ATP6V1C1: variants seen among roughly 807,000 people sequenced by gnomAD.
The protein encoded by ATP6V1C1 is ATPase H+ transporting V1 subunit C1.
A neutral mutation model predicts 53.9 loss-of-function variants in ATP6V1C1; 45 were observed. The ratio of observed to expected loss-of-function variants is 0.83; its 90% CI spans 0.66 to 1.07. The LOEUF (loss-of-function observed/expected upper bound fraction) is 1.07. Among genes scored for constraint, ATP6V1C1 ranks in the 50% least tolerant of loss-of-function variants. The pLI, the probability that ATP6V1C1 is intolerant of heterozygous loss-of-function variation, is 0.00. For synonymous variants in ATP6V1C1, 153 were observed against 155.2 expected, an observed-to-expected ratio of 0.99 and a Z score of 0.11; for missense variants, 315 against 440.3, an observed-to-expected ratio of 0.72 and a Z score of 2.55.
intron 3 of ATP6V1C1, among the ~76,000 whole-genome samples, chr8:103,047,397 ACTCT>A (rs1454536094): frequency 7.5e-6 from 1 of 132,544 alleles, no homozygotes; most frequent in African/African-American, 2.9e-5. Flanking sequence ...GTAGAGTGAG[ACTCT>A]CTCTTAAAAA....
intron 11 of ATP6V1C1, among the ~76,000 whole-genome samples, 171 bp downstream of exon 11, chr8:103,064,982 A>G (rs1817463381): frequency 6.6e-6 from 1 of 152,228 alleles, no homozygotes; most frequent in African/African-American, 2.4e-5. Context: ...AATGCATATT[A>G]GTCTTGTTCT....
intron 5 of ATP6V1C1, 32 bp downstream of exon 5, chr8:103,051,176 T>C (rs1817193944): frequency 2.4e-5 from 36 of 1,479,936 alleles, no homozygotes; most frequent in Non-Finnish European, 3.4e-5. Flanking sequence ...GTAGGACACA[T>C]TGATTTGTAG....
rs1211454756 is a variant in ATP6V1C1, at chr8:103,071,135, A to T, written c.*2388A>T. 6.6e-6 allele frequency: 1 copy of T among 152,262 alleles called. No individual in the cohort carries two copies. The highest frequency in any genetic ancestry group is 1.9e-4 in the East Asian group (1 of 5,202). The allele number at this position is 152,262 out of a possible 1,614,324, so 9.4% of individuals were successfully genotyped here. A position where few individuals can be genotyped will look rare whatever the true frequency, so the allele number is the denominator to read the frequency against. ...AGAGCAGTTTGTGTCACTGAGCTCC[A>T]GTCTGTGCTGGATTATTGATATTGT... On this transcript the variant is annotated 3_prime_UTR_variant, in exon 13 of 13. Transcript: ENST00000518738.
At chr8:103,058,294 A>C (rs1025565634) in intron 8 of ATP6V1C1, among the ~76,000 whole-genome samples, 2 of 152,200 alleles carry the variant, frequency 1.3e-5, no homozygotes, top group Non-Finnish European at 2.9e-5. Flanking sequence ...GCTCAGTGAA[A>C]ACATCTTTTC....
chr8:103,048,874 G>T lies in ATP6V1C1; in HGVS notation c.205G>T (p.Val69Phe), dbSNP rs376612411. ...TTGATATTTTTTCTTCCCCAGAGTGGTTAAGAAAGTAGCTCAATACATGGC... is the reference window on the plus strand; with the variant it reads ...TTGATATTTTTTCTTCCCCAGAGTGTTTAAGAAAGTAGCTCAATACATGGC... Reference protein sequence around the residue: ...AKLDAFVEGVVKKVAQYMADV... With the variant: ...AKLDAFVEGVFKKVAQYMADV... The change falls in exon 4 of 13, where the codon GTT becomes TTT. Residue 69 changes from valine (V) to phenylalanine (F), a missense_variant. Val to Phe is a conservative substitution (Grantham distance 50, BLOSUM62 -1). Coordinates refer to ENST00000518738, the MANE Select transcript of ATP6V1C1 (RefSeq NM_001695.5). The T allele has an allele frequency of 1.2e-6, 2 of 1,612,640 alleles. No homozygotes were observed. The highest frequency in any genetic ancestry group is 2.2e-5 in the East Asian group (1 of 44,742).
chr8:103,026,615 C>T (rs1489733701), intron 1 of ATP6V1C1, among the ~76,000 whole-genome samples: 1 of 152,170 alleles, frequency 6.6e-6, no homozygotes, highest in Non-Finnish European at 1.5e-5. Flanking sequence ...GAGTTCAAGA[C>T]CAGCCTGGCC....
chr8:103,049,057 T>A, intron 4 of ATP6V1C1, 102 bp downstream of exon 4: 2 of 1,023,614 alleles, frequency 2.0e-6, no homozygotes, highest in Non-Finnish European at 2.9e-6. Context: ...AAAAGGACAC[T>A]AAATACAATA....
chr8:103,057,988 A>G (rs1216647709), intron 8 of ATP6V1C1, among the ~76,000 whole-genome samples: 1 of 152,210 alleles, frequency 6.6e-6, no homozygotes, highest in African/African-American at 2.4e-5. Flanking sequence ...CTCTGTGTCT[A>G]GGAGGCAGGT....
At chr8:103,062,495 A>G (rs1817419940) in intron 8 of ATP6V1C1, among the ~76,000 whole-genome samples, 2 of 152,100 alleles carry the variant, frequency 1.3e-5, no homozygotes, top group Admixed American at 1.3e-4. Flanking sequence ...GAGAGATGTC[A>G]TGGGAGCAAA....
At chr8:103,064,045 T>A (rs1817447776) in intron 10 of ATP6V1C1, among the ~76,000 whole-genome samples, 1 of 152,206 alleles carries the variant, frequency 6.6e-6, no homozygotes, top group African/African-American at 2.4e-5. Flanking sequence ...TCCTTTTGCT[T>A]AAATTAATTG....
chr8:103,062,226 A>G (rs1817415283), intron 8 of ATP6V1C1, among the ~76,000 whole-genome samples: 1 of 121,954 alleles, frequency 8.2e-6, no homozygotes, highest in Non-Finnish European at 1.6e-5. Context: ...GCTGGAGTGC[A>G]GTGGTGCAAT....
intron 1 of ATP6V1C1, among the ~76,000 whole-genome samples, chr8:103,031,840 A>G (rs1205607682): frequency 6.6e-6 from 1 of 152,200 alleles, no homozygotes; most frequent in East Asian, 1.9e-4. Flanking sequence ...AAAAGAAGGA[A>G]GTGAAGGCAA....
At chr8:103,040,647 A>G (rs1166315952) in intron 1 of ATP6V1C1, among the ~76,000 whole-genome samples, 151 bp from the exon 2 acceptor site, 1 of 151,772 alleles carries the variant, frequency 6.6e-6, no homozygotes. Flanking sequence ...ATTTATTTCG[A>G]GGTAGGTAAA....
intron 8 of ATP6V1C1, among the ~76,000 whole-genome samples, chr8:103,056,832 A>G (rs1234891343): frequency 2.0e-5 from 3 of 152,176 alleles, no homozygotes; most frequent in Non-Finnish European, 4.4e-5. Flanking sequence ...AAGAAGTGGA[A>G]TTAGTAAGGT....
chr8:103,028,534 G>A (rs796209174), intron 1 of ATP6V1C1, among the ~76,000 whole-genome samples: 2 of 152,214 alleles, frequency 1.3e-5, no homozygotes, highest in African/African-American at 4.8e-5. Flanking sequence ...CTGAAATTTG[G>A]GTGAATTACC....
chr8:103,060,880 C>A (rs942652404), intron 8 of ATP6V1C1, among the ~76,000 whole-genome samples: 1 of 152,100 alleles, frequency 6.6e-6, no homozygotes, highest in Non-Finnish European at 1.5e-5. Flanking sequence ...TAATAGGTAA[C>A]CTGTTCATTG....
At position 103,066,207 on chromosome 8, in the gene ATP6V1C1, A is replaced by C. The variant is rs1338502283; in HGVS notation, c.927-114A>C. Reference sequence around the variant, plus strand: ...TAGTTGAACTTGTAAAGGTAAAGGGAGATATTCTCTCCCCGTTAACCATGA... The same window carrying C: ...TAGTTGAACTTGTAAAGGTAAAGGGCGATATTCTCTCCCCGTTAACCATGA... On this transcript the variant is annotated intron_variant, in intron 11 of 12. Coordinates refer to ENST00000518738, the MANE Select transcript of ATP6V1C1 (RefSeq NM_001695.5). 6 of 1,240,978 alleles carry C rather than the reference A, an allele frequency of 4.8e-6. No homozygotes were observed. The African/African-American group carries it at 9.1e-5, about 19-fold the overall frequency. 76.9% of individuals were successfully genotyped at this position (1,240,978 alleles called of 1,614,324 possible).
chr8:103,030,171 A>C (rs911409525), intron 1 of ATP6V1C1, among the ~76,000 whole-genome samples: 3 of 152,154 alleles, frequency 2.0e-5, no homozygotes, highest in African/African-American at 7.2e-5. Context: ...ACAAAAATGA[A>C]CATTTTTCCT....
intron 3 of ATP6V1C1, among the ~76,000 whole-genome samples, chr8:103,043,225 G>A (rs954568492): frequency 6.6e-6 from 1 of 152,152 alleles, no homozygotes; most frequent in Non-Finnish European, 1.5e-5. Flanking sequence ...AGTGTATGAA[G>A]ATTCTCATTT....
Sources: gnomAD v4.1 joint callset for allele counts (sites outside exome capture counted in the v4.1 genomes callset) on GRCh38, gnomAD v4.1.1 for gene constraint, MANE v1.5 for transcripts, NCBI Gene and HGNC (gene_info 2026-07-23, HGNC 2026-07-21) for gene names.